The following GABRB3 variants were observed in gnomAD, a reference collection of about 807,000 sequenced individuals.
GABRB3 encodes the protein gamma-aminobutyric acid type A receptor subunit beta3.
In GABRB3, 14 loss-of-function variants were observed where a neutral mutation model predicts 52.1. That is an observed-to-expected ratio of 0.27 (90% confidence interval 0.18 to 0.42). GABRB3 has a LOEUF of 0.42. Among genes scored for constraint, GABRB3 ranks in the 10% least tolerant of loss-of-function variants. The pLI, the probability that GABRB3 is intolerant of heterozygous loss-of-function variation, is 1.00. For synonymous variants in GABRB3, 260 were observed against 232.3 expected (o/e 1.12, Z -1.08); for missense variants, 307 against 609.1 (o/e 0.50, Z 5.22).
chr15:26,651,570 C>T (rs1887198608), intron 3 of GABRB3, among the ~76,000 whole-genome samples: 1 of 152,194 alleles, frequency 6.6e-6, no homozygotes, highest in Non-Finnish European at 1.5e-5. Context: ...TAAGATAATG[C>T]TAAGAAGATC....
At chr15:26,607,704 C>A (rs780656854) in intron 4 of GABRB3, among the ~76,000 whole-genome samples, 1 of 151,782 alleles carries the variant, frequency 6.6e-6, no homozygotes, top group Non-Finnish European at 1.5e-5. Flanking sequence ...AAAAAATAAT[C>A]AAGGGAACAA....
At position 26,696,408 on chromosome 15, in the gene GABRB3, T is replaced by C. The variant is rs112010541; in HGVS notation, c.241-74874A>G. Reference sequence around the variant, plus strand: ...GTTATTATTATTATCATTCAAACAATGAATAAACTGAGGCCCGATGACGTA... The same window carrying C: ...GTTATTATTATTATCATTCAAACAACGAATAAACTGAGGCCCGATGACGTA... On this transcript the variant is annotated intron_variant, in intron 3 of 8. Coordinates refer to ENST00000311550, the MANE Select transcript of GABRB3 (RefSeq NM_000814.6). Among the ~76,000 whole-genome samples, 1,220 of 152,172 alleles carry C rather than the reference T, an allele frequency of 8.0e-3. 10 individuals are homozygous for C. The highest frequency in any genetic ancestry group is 0.012 in the Non-Finnish European group (797 of 68,026).
chr15:26,580,249 A>G (rs1323222631), intron 6 of GABRB3, 70 bp downstream of exon 6: 3 of 1,586,952 alleles, frequency 1.9e-6, no homozygotes, highest in Non-Finnish European at 2.6e-6. Flanking sequence ...ATGGCAGCAC[A>G]TTTTGTCACT....
chr15:26,630,881 G>A (rs189936260), intron 3 of GABRB3, among the ~76,000 whole-genome samples: 1 of 152,276 alleles, frequency 6.6e-6, no homozygotes, highest in East Asian at 1.9e-4. Context: ...CCACAAATTT[G>A]TACATCATTT....
At chr15:26,576,203 A>C (rs1289692329) in intron 6 of GABRB3, among the ~76,000 whole-genome samples, 1 of 152,250 alleles carries the variant, frequency 6.6e-6, no homozygotes, top group African/African-American at 2.4e-5. Flanking sequence ...TCTGTTATGC[A>C]AGCGCTTTGC....
chr15:26,656,340 T>C (rs2140600793), intron 3 of GABRB3, among the ~76,000 whole-genome samples: 1 of 152,268 alleles, frequency 6.6e-6, no homozygotes, highest in South Asian at 2.1e-4. Context: ...AAATAGCAAA[T>C]GTTGCCAATA....
chr15:26,726,729 G>A (rs185044449), intron 3 of GABRB3, among the ~76,000 whole-genome samples: 2 of 152,292 alleles, frequency 1.3e-5, no homozygotes, highest in East Asian at 3.9e-4. Context: ...CTGTCAGCAA[G>A]GTTAACTTTT....
intron 3 of GABRB3, among the ~76,000 whole-genome samples, chr15:26,655,931 TTTGAG>T (rs1188496023): frequency 6.6e-6 from 1 of 152,222 alleles, no homozygotes; most frequent in African/African-American, 2.4e-5. Flanking sequence ...TCATTGTTTT[TTTGAG>T]GGTTGGATTT....
At chr15:26,639,061 C>T (rs544853442) in intron 3 of GABRB3, among the ~76,000 whole-genome samples, 2 of 152,200 alleles carry the variant, frequency 1.3e-5, no homozygotes, top group African/African-American at 4.8e-5. Flanking sequence ...GACATGACAG[C>T]AAGAAGACAC....
At chr15:26,557,624 T>C (rs1889804625) in intron 8 of GABRB3, 2 of 152,206 alleles carry the variant, frequency 1.3e-5, no homozygotes, top group African/African-American at 4.8e-5. Context: ...TTTTAATGTT[T>C]ATCTTTAGGA....
At chr15:26,772,508 G>C in intron 2 of GABRB3, 39 bp from the exon 3 acceptor site, 1 of 1,593,540 alleles carries the variant, frequency 6.3e-7, no homozygotes, top group Non-Finnish European at 8.6e-7. Flanking sequence ...GCCCAGCTCC[G>C]GCGCGGGGCG....
chr15:26,628,453 T>C (rs1435958756), intron 3 of GABRB3, among the ~76,000 whole-genome samples: 5 of 152,180 alleles, frequency 3.3e-5, no homozygotes, highest in Non-Finnish European at 5.9e-5. Context: ...TTAAGTGCTA[T>C]ACTAAACACG....
chr15:26,612,961 A>AC (rs1491451128), intron 4 of GABRB3: 8 of 152,024 alleles, frequency 5.3e-5, no homozygotes, highest in East Asian at 3.9e-4. Context: ...ACACACACAC[A>AC]AAAAAAATAG....
intron 3 of GABRB3, among the ~76,000 whole-genome samples, chr15:26,715,033 G>A (rs188083511): frequency 3.5e-4 from 53 of 152,186 alleles, no homozygotes; most frequent in Admixed American, 1.8e-3. Flanking sequence ...AAAAAACAAG[G>A]TGCCAGGTAA....
rs1486615847 is a variant in GABRB3, at chr15:26,546,696, A to G, written c.*1097T>C. 6.6e-6 allele frequency: 1 copy of G among 152,568 alleles called. No individual in the cohort carries two copies. Among genetic ancestry groups the G allele is most frequent in the African/African-American group, 2.4e-5 (1 of 41,448 alleles). The allele number at this position is 152,568 out of a possible 1,614,324, so 9.5% of individuals were successfully genotyped here. The stretch of plus-strand genomic sequence containing the variant: ...ATAACAGAAAGTAGTTACATCACAT[A>G]AAGGAAAATATGACATCGCATGCTG... On this transcript the variant is annotated 3_prime_UTR_variant, in exon 9 of 9. Coordinates refer to ENST00000311550, the MANE Select transcript of GABRB3 (RefSeq NM_000814.6).
intron 3 of GABRB3, among the ~76,000 whole-genome samples, chr15:26,649,573 G>A (rs1039069503): frequency 1.3e-5 from 2 of 151,942 alleles, no homozygotes; most frequent in African/African-American, 2.4e-5. Context: ...TCAGGTTCTT[G>A]TAACAGCCGC....
At chr15:26,550,206 G>A (rs2140650455) in intron 8 of GABRB3, 1 of 152,282 alleles carries the variant, frequency 6.6e-6, no homozygotes, top group African/African-American at 2.4e-5. Flanking sequence ...AAAAACTGAG[G>A]ACTTGAGTCA....
intron 4 of GABRB3, among the ~76,000 whole-genome samples, chr15:26,588,738 AT>A (rs1430810438): frequency 1.3e-5 from 2 of 152,222 alleles, no homozygotes; most frequent in African/African-American, 4.8e-5. Context: ...CTCATTAGAT[AT>A]GTCAAATTGG....
chr15:26,670,419 TG>T, intron 3 of GABRB3, among the ~76,000 whole-genome samples: 1 of 152,208 alleles, frequency 6.6e-6, no homozygotes, highest in African/African-American at 2.4e-5. Flanking sequence ...GGGTCGTGGC[TG>T]GCTGCGGAGG....
Sources: gnomAD v4.1 joint callset for allele counts (sites outside exome capture counted in the v4.1 genomes callset) on GRCh38, gnomAD v4.1.1 for gene constraint, MANE v1.5 for transcripts, NCBI Gene and HGNC (gene_info 2026-07-23, HGNC 2026-07-21) for gene names.